CNTN5: variants seen among roughly 807,000 people sequenced by gnomAD.
CNTN5 encodes contactin 5, also known as contactin-5.
A neutral mutation model predicts 129.1 loss-of-function variants in CNTN5; 77 were observed. That is an observed-to-expected ratio of 0.60 (90% CI 0.50 to 0.72). The LOEUF is 0.72. Ranked by LOEUF, CNTN5 falls within the 30% of genes least tolerant of loss-of-function variation. The pLI is 0.00. For missense variants in CNTN5, 1,478 were observed against 1,328.8 expected, an observed-to-expected ratio of 1.11 and a Z score of -1.75; for synonymous variants, 509 against 465.6, an observed-to-expected ratio of 1.09 and a Z score of -1.20.
chr11:99,732,842 A>G (rs1343118387), intron 3 of CNTN5, among the ~76,000 whole-genome samples: 1 of 152,194 alleles, frequency 6.6e-6, no homozygotes, highest in East Asian at 1.9e-4. Context: ...ACCAGTTAAG[A>G]TGCTGGTGGA....
At chr11:100,185,046 C>T (rs1415448557) in intron 13 of CNTN5, among the ~76,000 whole-genome samples, 1 of 152,108 alleles carries the variant, frequency 6.6e-6, no homozygotes, top group African/African-American at 2.4e-5. Context: ...GACATGTTTG[C>T]TTCCCTTTTC....
intron 13 of CNTN5, among the ~76,000 whole-genome samples, chr11:100,098,210 CA>C (rs1010216545): frequency 6.0e-5 from 9 of 150,060 alleles, no homozygotes; most frequent in African/African-American, 2.0e-4. Flanking sequence ...TATGTATAAG[CA>C]AAAAAAAGTA....
intron 1 of CNTN5, among the ~76,000 whole-genome samples, chr11:99,093,456 T>A (rs1479110235): frequency 2.0e-5 from 3 of 151,370 alleles, no homozygotes; most frequent in African/African-American, 4.9e-5. Flanking sequence ...TTTTTTTTTT[T>A]ATTTCTTATT....
At chr11:99,473,747 T>C (rs1411035394) in intron 2 of CNTN5, among the ~76,000 whole-genome samples, 3 of 152,054 alleles carry the variant, frequency 2.0e-5, no homozygotes, top group African/African-American at 4.8e-5. Context: ...CACAGATAGT[T>C]TCTTAGTTAG....
intron 6 of CNTN5, among the ~76,000 whole-genome samples, chr11:99,903,979 T>G (rs565300267): frequency 6.6e-6 from 1 of 152,240 alleles, no homozygotes; most frequent in African/African-American, 2.4e-5. Context: ...TCATCCCAGT[T>G]AGAATGGCTG....
intron 3 of CNTN5, among the ~76,000 whole-genome samples, chr11:99,623,268 T>C (rs188095825): frequency 1.1e-3 from 168 of 152,238 alleles, no homozygotes; most frequent in African/African-American, 3.9e-3. Context: ...TGGGGAGTTA[T>C]TAACCCAAGT....
chr11:100,121,637 G>A (rs1946026354), intron 13 of CNTN5, among the ~76,000 whole-genome samples: 2 of 151,894 alleles, frequency 1.3e-5, no homozygotes, highest in African/African-American at 4.8e-5. Context: ...ATTATACCAG[G>A]GAGCCATATT....
At chr11:100,156,438 A>G (rs1297572153) in intron 13 of CNTN5, among the ~76,000 whole-genome samples, 1 of 152,108 alleles carries the variant, frequency 6.6e-6, no homozygotes, top group Non-Finnish European at 1.5e-5. Context: ...ATCGACGTTC[A>G]TCAGGGATAT....
At chr11:99,313,797 T>C (rs1485023612) in intron 1 of CNTN5, among the ~76,000 whole-genome samples, 1 of 152,106 alleles carries the variant, frequency 6.6e-6, no homozygotes, top group African/African-American at 2.4e-5. Context: ...TTTATTCTAA[T>C]GATTTGCAGC....
intron 1 of CNTN5, among the ~76,000 whole-genome samples, chr11:99,120,785 C>A: frequency 6.6e-6 from 1 of 151,984 alleles, no homozygotes; most frequent in Non-Finnish European, 1.5e-5. Context: ...TGCAGATGTA[C>A]AAAATTTGGT....
chr11:99,766,496 T>G (rs1186122844), intron 3 of CNTN5, among the ~76,000 whole-genome samples: 1 of 152,024 alleles, frequency 6.6e-6, no homozygotes, highest in Non-Finnish European at 1.5e-5. Flanking sequence ...TCCTCTTTCT[T>G]AGAATGAAAT....
intron 1 of CNTN5, among the ~76,000 whole-genome samples, chr11:99,055,931 G>A (rs1269727761): frequency 6.6e-6 from 1 of 151,774 alleles, no homozygotes; most frequent in Non-Finnish European, 1.5e-5. Flanking sequence ...GTCTCCTTCG[G>A]TTTCAATTTC....
chr11:100,340,719 G>T (rs974046020), intron 22 of CNTN5, 70 bp downstream of exon 22: 2 of 1,339,878 alleles, frequency 1.5e-6, no homozygotes, highest in Non-Finnish European at 1.0e-6. Context: ...TCAAAGCCAC[G>T]TGAGGTGCAT....
chr11:99,840,574 G>A (rs1251958966), intron 4 of CNTN5, among the ~76,000 whole-genome samples: 1 of 151,564 alleles, frequency 6.6e-6, no homozygotes, highest in Admixed American at 6.6e-5. Context: ...AATAACCACT[G>A]ACGTTGTATG....
At chr11:99,198,751 A>G (rs1591347255) in intron 1 of CNTN5, among the ~76,000 whole-genome samples, 1 of 152,246 alleles carries the variant, frequency 6.6e-6, no homozygotes, top group Non-Finnish European at 1.5e-5. Context: ...AAATAACAAC[A>G]CTTTCTGGTT....
chr11:100,093,258 CT>C (rs1351924741), intron 13 of CNTN5, among the ~76,000 whole-genome samples: 1 of 151,964 alleles, frequency 6.6e-6, no homozygotes, highest in Non-Finnish European at 1.5e-5. Flanking sequence ...TTGTTGATCA[CT>C]TCTGAAAAAT....
chr11:99,831,051 A>T (rs1947123957), intron 4 of CNTN5, among the ~76,000 whole-genome samples: 1 of 152,140 alleles, frequency 6.6e-6, no homozygotes, highest in Admixed American at 6.6e-5. Context: ...TCCACCTTCA[A>T]CAAGATGACC....
intron 9 of CNTN5, among the ~76,000 whole-genome samples, chr11:100,014,710 A>T (rs774339308): frequency 6.6e-6 from 1 of 152,112 alleles, no homozygotes; most frequent in Non-Finnish European, 1.5e-5. Flanking sequence ...TTGGTTGTCT[A>T]TTGTTCCCCG....
intron 1 of CNTN5, among the ~76,000 whole-genome samples, chr11:99,286,016 C>T (rs532334347): frequency 1.7e-4 from 22 of 125,796 alleles, no homozygotes; most frequent in Admixed American, 6.8e-4. Flanking sequence ...CCAGCCTGAG[C>T]GACAGAGCAA....
Sources: allele counts gnomAD v4.1 joint callset (sites outside exome capture counted in the v4.1 genomes callset), GRCh38; gene constraint gnomAD v4.1.1; transcripts MANE v1.5; gene names NCBI Gene and HGNC (gene_info 2026-07-23, HGNC 2026-07-21).